Variants in EXT1 observed in about 807,000 individuals in gnomAD.
The protein encoded by EXT1 is exostosin glycosyltransferase 1.
A neutral mutation model predicts 82.5 loss-of-function variants in EXT1; 20 were observed. That is an observed-to-expected ratio of 0.24 (90% CI 0.17 to 0.35). The LOEUF (loss-of-function observed/expected upper bound fraction) is 0.35, where lower values mean the gene tolerates loss of function less well. Among genes scored for constraint, EXT1 ranks in the 10% least tolerant of loss-of-function variants. The probability of loss-of-function intolerance (pLI) is 1.00; values close to 1 mark genes in which losing one functional copy is unlikely to be tolerated. For missense variants in EXT1, 757 were observed against 936.5 expected, an observed-to-expected ratio of 0.81 and a Z score of 2.50; for synonymous variants, 348 against 350.8, an observed-to-expected ratio of 0.99 and a Z score of 0.09.
chr8:117,835,165 G>A (rs1812169046), intron 3 of EXT1, among the ~76,000 whole-genome samples: 1 of 152,162 alleles, frequency 6.6e-6, no homozygotes, highest in African/African-American at 2.4e-5. Flanking sequence ...AAAAATTCTG[G>A]TTATTGAAAG....
chr8:117,805,116 T>C (rs1229671400), intron 9 of EXT1, among the ~76,000 whole-genome samples: 4 of 152,170 alleles, frequency 2.6e-5, no homozygotes, highest in Admixed American at 6.5e-5. Context: ...TTAGTCTTCA[T>C]AAGGAGCCTA....
intron 1 of EXT1, among the ~76,000 whole-genome samples, chr8:118,033,547 T>C (rs17453924): frequency 1.3e-5 from 2 of 152,134 alleles, no homozygotes; most frequent in Admixed American, 1.3e-4. Flanking sequence ...GGCATGATCA[T>C]AGTTCACTGT....
intron 1 of EXT1, among the ~76,000 whole-genome samples, chr8:118,071,707 C>T (rs1437194372): frequency 2.0e-5 from 3 of 152,160 alleles, no homozygotes; most frequent in Non-Finnish European, 2.9e-5. Flanking sequence ...TCACAAGAAA[C>T]GAATGCTGCA....
rs147177639 is a variant in EXT1 at position 117,875,292 on chromosome 8, G to A, written c.963-38091C>T. Among the ~76,000 whole-genome samples, 1,218 of 152,142 alleles carry A rather than the reference G, an allele frequency of 8.0e-3. 13 individuals are homozygous for A. Among genetic ancestry groups the A allele is most frequent in the African/African-American group, 0.027 (1,104 of 41,498 alleles). ...AAAAATTAGCCAGGCATGGTGGTGC[G>A]CACTTGTAATCCCAGATACTCGGGA... On this transcript the variant is annotated intron_variant, in intron 1 of 10. Coordinates refer to ENST00000378204, the MANE Select transcript of EXT1 (RefSeq NM_000127.3).
At chr8:117,844,429 A>G (rs1372850766) in intron 1 of EXT1, among the ~76,000 whole-genome samples, 2 of 152,138 alleles carry the variant, frequency 1.3e-5, no homozygotes, top group Admixed American at 6.5e-5. Flanking sequence ...GTGGGATTAC[A>G]GGAGTGAGCC....
At chr8:117,881,972 T>C (rs908252271) in intron 1 of EXT1, among the ~76,000 whole-genome samples, 1 of 152,204 alleles carries the variant, frequency 6.6e-6, no homozygotes, top group Non-Finnish European at 1.5e-5. Flanking sequence ...TGGGAAATAC[T>C]ACGAAAAAGT....
chr8:117,863,098 A>AGACTCTATCTC (rs201686119), intron 1 of EXT1, among the ~76,000 whole-genome samples: 2 of 146,898 alleles, frequency 1.4e-5, no homozygotes, highest in Admixed American at 6.8e-5. Context: ...AGAAAACACA[A>AGACTCTATCTC]ACACAAAATT....
At position 118,007,606 on chromosome 8, in the gene EXT1, G is replaced by A. The variant is rs79872570; in HGVS notation, c.962+102479C>T. On this transcript the variant is annotated intron_variant, in intron 1 of 10. Coordinates refer to ENST00000378204, the MANE Select transcript of EXT1 (RefSeq NM_000127.3). ...CCTGCGTGTTCCACACATGCATCCA[G>A]GAACTTAAAGTAAAATTAAATTAAA... Among the ~76,000 whole-genome samples the A allele has an allele frequency of 4.2e-3, 633 of 152,288 alleles. 3 individuals carry two copies. The highest frequency in any genetic ancestry group is 0.014 in the African/African-American group (600 of 41,550).
chr8:118,037,585 C>T (rs1356421469), intron 1 of EXT1, among the ~76,000 whole-genome samples: 1 of 152,110 alleles, frequency 6.6e-6, no homozygotes, highest in Non-Finnish European at 1.5e-5. Flanking sequence ...CTTGCACACA[C>T]ACACACTTTG....
At chr8:117,972,610 T>TA (rs932615920) in intron 1 of EXT1, among the ~76,000 whole-genome samples, 188 of 152,344 alleles carry the variant, frequency 1.2e-3, no homozygotes, top group African/African-American at 4.2e-3. Flanking sequence ...TTTCTTTTGA[T>TA]AGTTTTGATA....
At chr8:118,040,304 A>C (rs1184741932) in intron 1 of EXT1, among the ~76,000 whole-genome samples, 2 of 152,154 alleles carry the variant, frequency 1.3e-5, no homozygotes, top group African/African-American at 4.8e-5. Flanking sequence ...AGTGATGAAA[A>C]GTTGTAAAAA....
intron 1 of EXT1, among the ~76,000 whole-genome samples, chr8:117,946,421 T>G (rs1029049208): frequency 6.6e-6 from 1 of 152,170 alleles, no homozygotes; most frequent in Non-Finnish European, 1.5e-5. Flanking sequence ...AAGCACTTAG[T>G]GCACAGTAAA....
chr8:117,996,320 A>C (rs1035733056), intron 1 of EXT1, among the ~76,000 whole-genome samples: 1 of 152,250 alleles, frequency 6.6e-6, no homozygotes, highest in Non-Finnish European at 1.5e-5. Flanking sequence ...TATGGTAGCC[A>C]CTAGTGGGTA....
At position 117,913,073 on chromosome 8, in the gene EXT1, A is replaced by C. The variant is rs143312967; in HGVS notation, c.963-75872T>G. On this transcript the variant is annotated intron_variant, in intron 1 of 10. Transcript: ENST00000378204. ...ACCCTGTCTCTAATAAAAATACAAAAATTAGCTGGGTGGTCGCGTGTACCT... is the reference window on the plus strand; with the variant it reads ...ACCCTGTCTCTAATAAAAATACAAACATTAGCTGGGTGGTCGCGTGTACCT... Among the ~76,000 whole-genome samples the C allele has an allele frequency of 7.0e-4, 106 of 152,108 alleles. No individual in the cohort carries two copies. The Middle Eastern group carries it at 0.014, about 20-fold the overall frequency.
intron 1 of EXT1, among the ~76,000 whole-genome samples, chr8:118,019,283 G>GAAAC (rs368904934): frequency 6.6e-6 from 1 of 151,960 alleles, no homozygotes; most frequent in Admixed American, 6.5e-5. Flanking sequence ...AAGAAAGAAA[G>GAAAC]AGGAAATGGG....
At position 117,822,521 on chromosome 8, in the gene EXT1, A is replaced by C; in HGVS notation, c.1361T>G (p.Val454Gly). The C allele has an allele frequency of 6.2e-7, 1 of 1,613,478 alleles. No homozygotes were observed. The highest frequency in any genetic ancestry group is 8.5e-7 in the Non-Finnish European group (1 of 1,179,680). ...IWNKHPGGLF[V>G]LPQYSSYLGD... Reference sequence around the variant, plus strand: ...CAGATAAGATGAATACTGTGGTAGTACGAACAATCCTCCAGGATGTTTGTT... The same window carrying C: ...CAGATAAGATGAATACTGTGGTAGTCCGAACAATCCTCCAGGATGTTTGTT... The change falls in exon 5 of 11, where the codon GTA (valine) becomes GGA (glycine). Residue 454 changes from valine (V) to glycine (G), a missense_variant. Val to Gly is a moderately radical substitution (Grantham distance 109). Transcript: ENST00000378204.
At chr8:117,927,687 C>T (rs534670492) in intron 1 of EXT1, among the ~76,000 whole-genome samples, 1 of 152,298 alleles carries the variant, frequency 6.6e-6, no homozygotes, top group Non-Finnish European at 1.5e-5. Flanking sequence ...TAGAAAGATA[C>T]TTCTGCCTTT....
At chr8:118,070,508 T>C (rs1817071703) in intron 1 of EXT1, among the ~76,000 whole-genome samples, 1 of 152,140 alleles carries the variant, frequency 6.6e-6, no homozygotes. Context: ...CCCAAGTGTT[T>C]GAAAAATCAA....
At chr8:118,035,646 A>C (rs1816405941) in intron 1 of EXT1, among the ~76,000 whole-genome samples, 1 of 152,136 alleles carries the variant, frequency 6.6e-6, no homozygotes. Context: ...TGCAAAACTC[A>C]TAATAGTCAT....
Sources: gnomAD v4.1 joint callset for allele counts (sites outside exome capture counted in the v4.1 genomes callset) on GRCh38, gnomAD v4.1.1 for gene constraint, MANE v1.5 for transcripts, NCBI Gene and HGNC (gene_info 2026-07-23, HGNC 2026-07-21) for gene names.